Variants in CTNNA3 observed in about 807,000 individuals in gnomAD.
CTNNA3 encodes catenin alpha-3.
A neutral mutation model predicts 95.7 loss-of-function variants in CTNNA3; 76 were observed. That is an observed-to-expected ratio of 0.79 (90% CI 0.66 to 0.96). The LOEUF (loss-of-function observed/expected upper bound fraction) is 0.96, where lower values mean the gene tolerates loss of function less well. Ranked by LOEUF, CTNNA3 falls within the 40% of genes least tolerant of loss-of-function variation. CTNNA3 has a pLI of 0.00. For missense variants in CTNNA3, 1,191 were observed against 1,089.8 expected (o/e 1.09, Z -1.31); for synonymous variants, 431 against 374.4 (o/e 1.15, Z -1.74).
Position 65,918,901 on chromosome 10 carries a change from T to A in CTNNA3, c.*1429A>T, listed in dbSNP as rs2077039275. The A allele has an allele frequency of 6.6e-6, 1 of 152,192 alleles. No homozygotes were observed. 9.4% of individuals were successfully genotyped at this position (152,192 alleles called of 1,614,324 possible). A position where few individuals can be genotyped will look rare whatever the true frequency, so the allele number is the denominator to read the frequency against. On this transcript the variant is annotated 3_prime_UTR_variant, in exon 18 of 18. Transcript: ENST00000433211. ...CCAAACTGGTTCTCCTAATATCAAC[T>A]GGTATTGTATGTGTAAATTTTTTTC...
intron 1 of CTNNA3, among the ~76,000 whole-genome samples, chr10:67,726,432 C>CATATATAATATTATATATA (rs1491155133): frequency 2.3e-4 from 12 of 51,406 alleles, no homozygotes; most frequent in African/African-American, 1.4e-3. Context: ...TATATTATAT[C>CATATATAATATTATATATA]ATATATAATA....
chr10:66,291,729 T>C (rs1028399999), intron 12 of CTNNA3, among the ~76,000 whole-genome samples: 17 of 151,752 alleles, frequency 1.1e-4, no homozygotes, highest in African/African-American at 3.9e-4. Flanking sequence ...GCATAAATTA[T>C]ATATATGTGT....
chr10:66,949,711 C>A (rs772490138), intron 7 of CTNNA3, among the ~76,000 whole-genome samples: 1 of 152,122 alleles, frequency 6.6e-6, no homozygotes, highest in Non-Finnish European at 1.5e-5. Flanking sequence ...AATTAAAGTC[C>A]ATTTTCTTAT....
chr10:67,708,879 AT>A (rs1841092030), intron 1 of CTNNA3, among the ~76,000 whole-genome samples: 1 of 152,068 alleles, frequency 6.6e-6, no homozygotes, highest in Non-Finnish European at 1.5e-5. Flanking sequence ...TAAAACAAAT[AT>A]TTTTGAATGT....
chr10:66,406,732 G>C (rs1422946252), intron 11 of CTNNA3, among the ~76,000 whole-genome samples: 2 of 152,054 alleles, frequency 1.3e-5, no homozygotes, highest in African/African-American at 4.8e-5. Flanking sequence ...ATAGAGTTAG[G>C]ATTACATCTG....
chr10:67,693,256 T>G (rs1840903246), intron 1 of CTNNA3, among the ~76,000 whole-genome samples: 1 of 152,210 alleles, frequency 6.6e-6, no homozygotes, highest in Non-Finnish European at 1.5e-5. Flanking sequence ...CTCAATTATC[T>G]GTCACTTTCC....
At chr10:67,378,100 C>G (rs1475403815) in intron 5 of CTNNA3, among the ~76,000 whole-genome samples, 3 of 152,114 alleles carry the variant, frequency 2.0e-5, no homozygotes, top group African/African-American at 7.2e-5. Flanking sequence ...TCCCCCTACC[C>G]TTCTCAGACC....
intron 1 of CTNNA3, among the ~76,000 whole-genome samples, chr10:67,716,356 A>T (rs1341801728): frequency 2.0e-5 from 3 of 152,066 alleles, no homozygotes; most frequent in African/African-American, 7.2e-5. Context: ...AAGTTCTAGG[A>T]TACATGTGCA....
intron 2 of CTNNA3, among the ~76,000 whole-genome samples, chr10:67,620,446 A>AT (rs894820205): frequency 2.3e-4 from 35 of 152,282 alleles, no homozygotes; most frequent in African/African-American, 7.9e-4. Flanking sequence ...GTTTTAGAGC[A>AT]TTTTATCTAA....
intron 1 of CTNNA3, among the ~76,000 whole-genome samples, chr10:67,719,230 T>C (rs1013177758): frequency 6.6e-5 from 10 of 152,144 alleles, no homozygotes; most frequent in Admixed American, 2.0e-4. Flanking sequence ...GTCTATTTTG[T>C]TAATCTTTAA....
At chr10:67,346,399 TC>T in intron 5 of CTNNA3, among the ~76,000 whole-genome samples, 1 of 152,348 alleles carries the variant, frequency 6.6e-6, no homozygotes, top group African/African-American at 2.4e-5. Flanking sequence ...CTTTTCCATT[TC>T]TTGCAGGACA....
intron 7 of CTNNA3, among the ~76,000 whole-genome samples, chr10:66,803,147 T>A (rs2132239050): frequency 6.6e-6 from 1 of 152,214 alleles, no homozygotes; most frequent in African/African-American, 2.4e-5. Context: ...TTGCATCGTT[T>A]TTATCTTCTT....
chr10:67,240,504 AT>A (rs1865676966), intron 5 of CTNNA3, among the ~76,000 whole-genome samples: 1 of 152,234 alleles, frequency 6.6e-6, no homozygotes, highest in African/African-American at 2.4e-5. Flanking sequence ...AATTAAAAAA[AT>A]GCAAGATTTT....
chr10:67,301,993 ACG>A, intron 5 of CTNNA3, among the ~76,000 whole-genome samples: 1 of 69,854 alleles, frequency 1.4e-5, no homozygotes, highest in African/African-American at 1.4e-4. Context: ...GAAAGAAAGA[ACG>A]AAAGAACGAA....
intron 9 of CTNNA3, among the ~76,000 whole-genome samples, chr10:66,712,303 T>C (rs1018957405): frequency 6.6e-6 from 1 of 152,054 alleles, no homozygotes; most frequent in East Asian, 1.9e-4. Flanking sequence ...CCCTAGGCAG[T>C]TTAGAATACA....
At chr10:67,691,784 C>A (rs1486650647) in intron 1 of CTNNA3, among the ~76,000 whole-genome samples, 3 of 149,738 alleles carry the variant, frequency 2.0e-5, no homozygotes, top group African/African-American at 7.3e-5. Context: ...CCCCGCCTGG[C>A]CAGCCGCCCC....
At chr10:65,970,550 C>T (rs1177528225) in intron 16 of CTNNA3, among the ~76,000 whole-genome samples, 1 of 151,598 alleles carries the variant, frequency 6.6e-6, no homozygotes, top group African/African-American at 2.4e-5. Flanking sequence ...ATAATGGCAT[C>T]AATAAGCTCA....
intron 7 of CTNNA3, among the ~76,000 whole-genome samples, chr10:66,992,427 CCTT>C (rs1203275838): frequency 1.3e-5 from 2 of 152,014 alleles, no homozygotes; most frequent in Non-Finnish European, 2.9e-5. Flanking sequence ...TCCTCTTTCT[CCTT>C]CTTCTTGTTC....
chr10:66,028,044 C>T (rs1226275095), intron 15 of CTNNA3, among the ~76,000 whole-genome samples: 1 of 152,118 alleles, frequency 6.6e-6, no homozygotes, highest in African/African-American at 2.4e-5. Context: ...CCAAGTCTGC[C>T]TTTCTTTTAC....
Sources: allele counts gnomAD v4.1 joint callset (sites outside exome capture counted in the v4.1 genomes callset), GRCh38; gene constraint gnomAD v4.1.1; transcripts MANE v1.5; gene names NCBI Gene and HGNC (gene_info 2026-07-23, HGNC 2026-07-21).